Variants in FYB1 observed in about 807,000 individuals in gnomAD.
The protein encoded by FYB1 is FYN binding protein 1, also known as FYN-binding protein 1.
FYB1 carries 41 observed loss-of-function variants against 94.1 expected under a neutral mutation model. The ratio of observed to expected loss-of-function variants is 0.44; its 90% CI spans 0.34 to 0.57. FYB1 has a LOEUF of 0.57. FYB1 is among the 20% of genes least tolerant of loss of function. The probability of loss-of-function intolerance (pLI) is 0.02; values close to 1 mark genes in which losing one functional copy is unlikely to be tolerated. For missense variants in FYB1, 1,050 were observed against 976.8 expected (o/e 1.07, Z -1.00); for synonymous variants, 367 against 353.2 (o/e 1.04, Z -0.44).
At chr5:39,112,710 G>A (rs1739181137) in intron 16 of FYB1, among the ~76,000 whole-genome samples, 1 of 152,032 alleles carries the variant, frequency 6.6e-6, no homozygotes, top group Non-Finnish European at 1.5e-5. Flanking sequence ...AATCATTCAT[G>A]ATAGAGAGCT....
chr5:39,257,693 C>G (rs1752017188), intron 1 of FYB1, among the ~76,000 whole-genome samples: 1 of 152,026 alleles, frequency 6.6e-6, no homozygotes, highest in South Asian at 2.1e-4. Context: ...TAGAAGTTTA[C>G]CAATTTTCGC....
At chr5:39,151,049 G>A (rs973223918) in intron 3 of FYB1, among the ~76,000 whole-genome samples, 5 of 151,974 alleles carry the variant, frequency 3.3e-5, no homozygotes, top group East Asian at 1.9e-4. Context: ...CTCTACCTGC[G>A]CTCTGTGCCT....
At chr5:39,244,739 G>A (rs1707422168) in intron 1 of FYB1, among the ~76,000 whole-genome samples, 1 of 152,150 alleles carries the variant, frequency 6.6e-6, no homozygotes. Context: ...TTGTACCTCT[G>A]GTAGAATTCG....
intron 1 of FYB1, among the ~76,000 whole-genome samples, chr5:39,227,456 G>T (rs897580580): frequency 4.0e-5 from 6 of 151,344 alleles, no homozygotes. Context: ...TTGTATTCAA[G>T]TGGCTTAGGA....
chr5:39,124,306 A>G, intron 12 of FYB1, 28 bp from the exon 13 acceptor site: 2 of 1,513,298 alleles, frequency 1.3e-6, no homozygotes, highest in Non-Finnish European at 1.8e-6. Flanking sequence ...ACACAATTAT[A>G]ATCAGACTAA....
chr5:39,109,974 A>C (rs426102), intron 17 of FYB1, among the ~76,000 whole-genome samples: 1 of 151,944 alleles, frequency 6.6e-6, no homozygotes, highest in Non-Finnish European at 1.5e-5. Flanking sequence ...AGCACCTACT[A>C]TGAAGTCACT....
intron 6 of FYB1, 75 bp downstream of exon 6, chr5:39,138,582 T>G (rs1741865948): frequency 1.2e-6 from 1 of 812,298 alleles, no homozygotes; most frequent in Admixed American, 2.6e-5. Flanking sequence ...TGTTGTTATA[T>G]ACCCACTCTC....
chr5:39,214,431 G>A (rs1326483744), intron 1 of FYB1, among the ~76,000 whole-genome samples: 1 of 152,182 alleles, frequency 6.6e-6, no homozygotes, highest in Admixed American at 6.5e-5. Context: ...GAGCAGATAT[G>A]GGTAGATCCC....
intron 1 of FYB1, among the ~76,000 whole-genome samples, chr5:39,209,243 T>C: frequency 6.6e-6 from 1 of 152,176 alleles, no homozygotes; most frequent in Non-Finnish European, 1.5e-5. Context: ...GACGAGACCC[T>C]TCACAAGCAT....
intron 16 of FYB1, among the ~76,000 whole-genome samples, chr5:39,112,574 G>T (rs902037943): frequency 2.0e-5 from 3 of 151,992 alleles, no homozygotes; most frequent in Admixed American, 6.6e-5. Context: ...AGAAATTAAA[G>T]ATTTTTATTT....
chr5:39,210,156 TTTTCAGTAAC>T lies in FYB1; in HGVS notation c.-27-7179_-27-7170del, dbSNP rs756365643. Among the ~76,000 whole-genome samples, 11 of 152,242 alleles carry T rather than the reference TTTTCAGTAAC, an allele frequency of 7.2e-5. No individual in the cohort carries two copies. In the South Asian group the frequency reaches 1.2e-3, roughly 17 times the overall value. On this transcript the variant is annotated intron_variant, in intron 1 of 18. Coordinates refer to ENST00000512982, the MANE Select transcript of FYB1 (RefSeq NM_001465.6). ...CCTGATTGTGACAACCCCTGTATGT[TTTTCAGTAAC>T]TTGTGAAGGTGGAGGTGGAACTGCA...
chr5:39,168,892 A>G (rs767355420), intron 2 of FYB1, among the ~76,000 whole-genome samples: 17 of 152,132 alleles, frequency 1.1e-4, no homozygotes, highest in South Asian at 2.1e-4. Context: ...CCCATTATCA[A>G]TGTCACCTAA....
intron 2 of FYB1, chr5:39,170,409 G>T (rs1199085817): frequency 3.8e-6 from 2 of 530,262 alleles, no homozygotes; most frequent in East Asian, 3.7e-5. Context: ...CGCCGTCCTG[G>T]GCCGGACCCC....
chr5:39,119,899 G>A (rs145804893), intron 14 of FYB1, among the ~76,000 whole-genome samples: 163 of 152,164 alleles, frequency 1.1e-3, no homozygotes, highest in African/African-American at 2.4e-3. Flanking sequence ...AAATCACTGA[G>A]TCATGGTTTA....
chr5:39,232,252 A>C (rs1210676101), intron 1 of FYB1, among the ~76,000 whole-genome samples: 1 of 152,174 alleles, frequency 6.6e-6, no homozygotes, highest in East Asian at 1.9e-4. Context: ...ACAAAAAAGG[A>C]ACATTTAATA....
intron 3 of FYB1, 135 bp downstream of exon 3, chr5:39,153,313 G>T: frequency 9.3e-7 from 1 of 1,070,706 alleles, no homozygotes; most frequent in Non-Finnish European, 1.4e-6. Context: ...AGCTCAGCCA[G>T]CTCTTCTCCC....
chr5:39,170,203 T>G (rs1745121863), intron 2 of FYB1: 2 of 821,192 alleles, frequency 2.4e-6, no homozygotes, highest in Non-Finnish European at 4.2e-6. Flanking sequence ...AAGTTCAGTA[T>G]AGTCAGTATT....
At chr5:39,122,029 A>G (rs193196140) in intron 14 of FYB1, among the ~76,000 whole-genome samples, 10 of 152,224 alleles carry the variant, frequency 6.6e-5, no homozygotes, top group Admixed American at 6.6e-4. Context: ...TGAATGAATA[A>G]ATAAACCAGA....
intron 12 of FYB1, among the ~76,000 whole-genome samples, chr5:39,125,733 C>A (rs1279572480): frequency 6.6e-6 from 1 of 152,014 alleles, no homozygotes. Flanking sequence ...ATTATGTGTA[C>A]ATGTGTGTTT....
Sources: gnomAD v4.1 joint callset for allele counts (sites outside exome capture counted in the v4.1 genomes callset) on GRCh38, gnomAD v4.1.1 for gene constraint, MANE v1.5 for transcripts, NCBI Gene and HGNC (gene_info 2026-07-23, HGNC 2026-07-21) for gene names.